The following TMEM170B variants were observed in gnomAD, a reference collection of about 807,000 sequenced individuals.
TMEM170B encodes transmembrane protein 170B.
A neutral mutation model predicts 13.0 loss-of-function variants in TMEM170B; 6 were observed. The ratio of observed to expected loss-of-function variants is 0.46; its 90% CI spans 0.25 to 0.91. The LOEUF (loss-of-function observed/expected upper bound fraction) is 0.91. Among genes scored for constraint, TMEM170B ranks in the 40% least tolerant of loss-of-function variants. The pLI is 0.17. For synonymous variants in TMEM170B, 61 were observed against 64.9 expected (o/e 0.94, Z 0.29); for missense variants, 138 against 165.2 (o/e 0.84, Z 0.90).
chr6:11,549,479 T>C (rs1034486963), intron 1 of TMEM170B, among the ~76,000 whole-genome samples: 4 of 151,974 alleles, frequency 2.6e-5, no homozygotes, highest in African/African-American at 4.8e-5. Context: ...CTGGCTAACA[T>C]GGTGAAACCC....
chr6:11,548,079 A>G (rs1277382306), intron 1 of TMEM170B, among the ~76,000 whole-genome samples: 1 of 152,182 alleles, frequency 6.6e-6, no homozygotes, highest in Non-Finnish European at 1.5e-5. Flanking sequence ...AAATTGAGAA[A>G]TGGGATCTCT....
intron 1 of TMEM170B, among the ~76,000 whole-genome samples, chr6:11,552,162 A>T (rs1273638325): frequency 6.6e-6 from 1 of 152,158 alleles, no homozygotes; most frequent in Non-Finnish European, 1.5e-5. Context: ...GTGGTTGGGA[A>T]CACCCGATTT....
intron 1 of TMEM170B, among the ~76,000 whole-genome samples, chr6:11,563,157 G>A (rs965756808): frequency 2.4e-4 from 36 of 152,130 alleles, no homozygotes; most frequent in Admixed American, 2.4e-3. Flanking sequence ...CCAACACAGA[G>A]AAACCCCATC....
In TMEM170B at chr6:11,565,364, A is replaced by G. The variant is rs534737805; in HGVS notation, c.98-302A>G. Among the ~76,000 whole-genome samples, 77 of 152,354 alleles carry G rather than the reference A, an allele frequency of 5.1e-4. 1 individual carries two copies. Among genetic ancestry groups the G allele is most frequent in the African/African-American group, 1.6e-3 (68 of 41,582 alleles). Reference sequence around the variant, plus strand: ...ATTTTATAATTCTAAGAAGTTTACAAATATATCAGGGGTTTAATATAAAAT... The same window carrying G: ...ATTTTATAATTCTAAGAAGTTTACAGATATATCAGGGGTTTAATATAAAAT... On this transcript the variant is annotated intron_variant, in intron 1 of 2. Coordinates refer to ENST00000379426, the MANE Select transcript of TMEM170B (RefSeq NM_001100829.3).
intron 1 of TMEM170B, among the ~76,000 whole-genome samples, chr6:11,542,581 CAGAA>C (rs1357260819): frequency 6.6e-6 from 1 of 152,134 alleles, no homozygotes; most frequent in Non-Finnish European, 1.5e-5. Flanking sequence ...GATAAAAATG[CAGAA>C]AGAAACAGAT....
chr6:11,545,280 C>G lies in TMEM170B; in HGVS notation c.97+6906C>G, dbSNP rs527683072. 6.4e-3 allele frequency among the ~76,000 whole-genome samples: 899 copies of G among 139,774 alleles called. 3 individuals carry two copies. Among genetic ancestry groups the G allele is most frequent in the Middle Eastern group, 0.037 (10 of 270 alleles). The allele number at this position is 139,774 out of a possible 152,430, so 91.7% of individuals were successfully genotyped here. On this transcript the variant is annotated intron_variant, in intron 1 of 2. Coordinates refer to ENST00000379426, the MANE Select transcript of TMEM170B (RefSeq NM_001100829.3). Reference sequence around the variant, plus strand: ...TTAAAAGGCTTCTCTCTCTCTCTCTCTGTGTGTGTGTGTGTGTGTGTGTGT... The same window carrying G: ...TTAAAAGGCTTCTCTCTCTCTCTCTGTGTGTGTGTGTGTGTGTGTGTGTGT...
chr6:11,561,113 A>G (rs2113774815), intron 1 of TMEM170B, among the ~76,000 whole-genome samples: 1 of 152,342 alleles, frequency 6.6e-6, no homozygotes, highest in Non-Finnish European at 1.5e-5. Context: ...AAATGTTACC[A>G]AAGGAATTTC....
intron 1 of TMEM170B, among the ~76,000 whole-genome samples, chr6:11,559,193 T>C (rs564932020): frequency 6.6e-6 from 1 of 150,472 alleles, no homozygotes; most frequent in African/African-American, 2.4e-5. Flanking sequence ...TTTTCTTTTC[T>C]TTTCTTTTTT....
rs1223317730 is a variant in TMEM170B, at chr6:11,565,959, AAC to A, written c.268+128_268+129del. 1.3e-5 allele frequency: 11 copies of A among 839,692 alleles called. No individual in the cohort carries two copies. In the East Asian group the frequency reaches 2.5e-4, roughly 19 times the overall value. 52.0% of individuals were successfully genotyped at this position (839,692 alleles called of 1,614,324 possible). On this transcript the variant is annotated intron_variant, in intron 2 of 2. Coordinates refer to ENST00000379426, the MANE Select transcript of TMEM170B (RefSeq NM_001100829.3). ...TTATGTAGATTATTTTTCAACACTT[AAC>A]ACACTCCATCTAGAAGATAAAGATG...
At chr6:11,557,600 G>A (rs1350995139) in intron 1 of TMEM170B, among the ~76,000 whole-genome samples, 1 of 152,134 alleles carries the variant, frequency 6.6e-6, no homozygotes, top group East Asian at 1.9e-4. Flanking sequence ...TCACATTTTT[G>A]TACTTGGTAT....
intron 1 of TMEM170B, among the ~76,000 whole-genome samples, chr6:11,553,774 T>C (rs76116467): frequency 0.01 from 1,590 of 152,320 alleles, 26 homozygotes; most frequent in African/African-American, 0.035. Flanking sequence ...CAAGTGGGAC[T>C]TCTTCAGACT....
intron 1 of TMEM170B, among the ~76,000 whole-genome samples, chr6:11,538,943 T>G (rs1759322652): frequency 6.6e-6 from 1 of 152,192 alleles, no homozygotes; most frequent in African/African-American, 2.4e-5. Flanking sequence ...GCGTGTTAGC[T>G]TCATATATCT....
rs866530896 is a variant in TMEM170B, at chr6:11,569,414, T to G, written c.268+3578T>G. On this transcript the variant is annotated intron_variant, in intron 2 of 2. Transcript: ENST00000379426. Reference sequence around the variant, plus strand: ...ATTCTGATATATTTTCTTCTATTAATTTTACAGTTTTTCCTTTTGTATTAA... The same window carrying G: ...ATTCTGATATATTTTCTTCTATTAAGTTTACAGTTTTTCCTTTTGTATTAA... 8.0e-4 allele frequency among the ~76,000 whole-genome samples: 121 copies of G among 152,200 alleles called. 1 individual carries two copies. Among genetic ancestry groups the G allele is most frequent in the African/African-American group, 2.7e-3 (114 of 41,468 alleles).
rs1308986384 is a variant in TMEM170B at position 11,557,702 on chromosome 6, C to T, written c.98-7964C>T. Among the ~76,000 whole-genome samples the T allele has an allele frequency of 3.9e-5, 6 of 152,234 alleles. No individual in the cohort carries two copies. In the East Asian group the frequency reaches 1.2e-3, roughly 29 times the overall value. The stretch of plus-strand genomic sequence containing the variant: ...AAACGTACTTTTTTATACTCCCAAA[C>T]CTAATGGAATTATCATTTATCCAGT... On this transcript the variant is annotated intron_variant, in intron 1 of 2. Transcript: ENST00000379426.
Position 11,582,967 on chromosome 6 carries a change from T to C in TMEM170B, c.*7406T>C, listed in dbSNP as rs1313844429. 6.6e-6 allele frequency: 1 copy of C among 152,190 alleles called. No individual in the cohort carries two copies. The highest frequency in any genetic ancestry group is 6.5e-5 in the Admixed American group (1 of 15,282). The allele number at this position is 152,190 out of a possible 1,614,324, so 9.4% of individuals were successfully genotyped here. A position where few individuals can be genotyped will look rare whatever the true frequency, so the allele number is the denominator to read the frequency against. ...TATAATACCTAACAAGCTGTAAATA[T>C]TGTATATTATTGATTTTTAATTTTA... On this transcript the variant is annotated 3_prime_UTR_variant, in exon 3 of 3. Coordinates refer to ENST00000379426, the MANE Select transcript of TMEM170B (RefSeq NM_001100829.3).
intron 1 of TMEM170B, among the ~76,000 whole-genome samples, chr6:11,544,571 T>C (rs1759405983): frequency 6.6e-6 from 1 of 152,238 alleles, no homozygotes; most frequent in African/African-American, 2.4e-5. Flanking sequence ...CCATATTCAT[T>C]ATCTAGCCAG....
chr6:11,551,065 A>G (rs574050621), intron 1 of TMEM170B, among the ~76,000 whole-genome samples: 333 of 152,270 alleles, frequency 2.2e-3, no homozygotes, highest in Admixed American at 3.1e-3. Context: ...TACAGTGTCC[A>G]GTCAAGCTGT....
intron 1 of TMEM170B, among the ~76,000 whole-genome samples, chr6:11,553,275 G>A (rs1351386109): frequency 1.3e-5 from 2 of 152,130 alleles, no homozygotes; most frequent in Non-Finnish European, 2.9e-5. Context: ...TTGGACCCAT[G>A]CACTGCAAAC....
chr6:11,574,759 C>T (rs748783781), intron 2 of TMEM170B, among the ~76,000 whole-genome samples: 7 of 152,016 alleles, frequency 4.6e-5, no homozygotes, highest in African/African-American at 7.2e-5. Context: ...GAGATTCTCC[C>T]GTTCTCAGAA....
Sources: gnomAD v4.1 joint callset for allele counts (sites outside exome capture counted in the v4.1 genomes callset) on GRCh38, gnomAD v4.1.1 for gene constraint, MANE v1.5 for transcripts, NCBI Gene and HGNC (gene_info 2026-07-23, HGNC 2026-07-21) for gene names.